Variants in KCNN3 observed in about 807,000 individuals in gnomAD.
KCNN3 encodes the protein small conductance calcium-activated potassium channel protein 3.
KCNN3 carries 16 observed loss-of-function variants against 62.9 expected under a neutral mutation model. The observed-to-expected ratio is 0.25, with a 90% confidence interval of 0.17 to 0.39. The LOEUF (loss-of-function observed/expected upper bound fraction) is 0.39. Ranked by LOEUF, KCNN3 falls within the 10% of genes least tolerant of loss-of-function variation. The pLI, the probability that KCNN3 is intolerant of heterozygous loss-of-function variation, is 1.00. For missense variants in KCNN3, 599 were observed against 949.4 expected, an observed-to-expected ratio of 0.63 and a Z score of 4.85; for synonymous variants, 370 against 389.2, an observed-to-expected ratio of 0.95 and a Z score of 0.58.
At chr1:154,792,494 G>T (rs1036764064) in intron 2 of KCNN3, among the ~76,000 whole-genome samples, 1 of 152,200 alleles carries the variant, frequency 6.6e-6, no homozygotes, top group African/African-American at 2.4e-5. Context: ...GTAACAGCAA[G>T]CTGATGGGTT....
chr1:154,792,440 C>T (rs550207038), intron 2 of KCNN3, among the ~76,000 whole-genome samples: 1 of 152,344 alleles, frequency 6.6e-6, no homozygotes, highest in East Asian at 1.9e-4. Context: ...AAGATGTTTA[C>T]AGGACTTTCT....
intron 4 of KCNN3, 78 bp from the exon 5 acceptor site, chr1:154,726,104 GC>G: frequency 9.4e-7 from 1 of 1,068,706 alleles, no homozygotes; most frequent in Non-Finnish European, 1.4e-6. Flanking sequence ...AACACGCCTG[GC>G]GGCCACGGGG....
intron 2 of KCNN3, among the ~76,000 whole-genome samples, chr1:154,775,439 C>T (rs533329058): frequency 6.6e-6 from 1 of 152,302 alleles, no homozygotes; most frequent in African/African-American, 2.4e-5. Context: ...GCTCCGTACC[C>T]TTACAGAGCC....
intron 2 of KCNN3, among the ~76,000 whole-genome samples, chr1:154,789,836 A>G (rs140571599): frequency 4.1e-4 from 63 of 152,334 alleles, no homozygotes; most frequent in African/African-American, 1.4e-3. Flanking sequence ...CACACCATGT[A>G]TTGCAGCTAG....
chr1:154,835,625 A>G (rs1651556158), intron 1 of KCNN3, among the ~76,000 whole-genome samples: 1 of 152,226 alleles, frequency 6.6e-6, no homozygotes, highest in African/African-American at 2.4e-5. Context: ...AATCACGGCC[A>G]TGTGCCTTGC....
intron 2 of KCNN3, among the ~76,000 whole-genome samples, chr1:154,796,912 A>G (rs867257926): frequency 6.6e-6 from 1 of 152,236 alleles, no homozygotes; most frequent in Non-Finnish European, 1.5e-5. Context: ...ACAAATGCAA[A>G]ACCAGAAATG....
chr1:154,707,223 C>A lies in KCNN3; in HGVS notation c.*753G>T, dbSNP rs770358043. 20 of 152,196 alleles carry A rather than the reference C, an allele frequency of 1.3e-4. No individual in the cohort carries two copies. The highest frequency in any genetic ancestry group is 2.6e-4 in the Non-Finnish European group (18 of 68,024). The allele number at this position is 152,196 out of a possible 1,614,324, so 9.4% of individuals were successfully genotyped here. A position where few individuals can be genotyped will look rare whatever the true frequency, so the allele number is the denominator to read the frequency against. Reference sequence around the variant, plus strand: ...AAAGCACCCCATGTTCAGATTCAGACCAACTCAAAACACATGTAAGGGGTG... The same window carrying A: ...AAAGCACCCCATGTTCAGATTCAGAACAACTCAAAACACATGTAAGGGGTG... On this transcript the variant is annotated 3_prime_UTR_variant, in exon 8 of 8. Coordinates refer to ENST00000271915, the MANE Select transcript of KCNN3 (RefSeq NM_002249.6).
intron 3 of KCNN3, among the ~76,000 whole-genome samples, chr1:154,745,321 C>T (rs758841469): frequency 2.6e-5 from 4 of 152,176 alleles, no homozygotes; most frequent in Non-Finnish European, 5.9e-5. Flanking sequence ...CAAACAAATG[C>T]GACTTGCCGC....
At chr1:154,810,516 G>T (rs191664652) in intron 2 of KCNN3, among the ~76,000 whole-genome samples, 3 of 152,304 alleles carry the variant, frequency 2.0e-5, no homozygotes, top group Non-Finnish European at 2.9e-5. Context: ...TGGCTGGGCA[G>T]GTTACCCTGA....
rs1357688371 is a variant in KCNN3 at position 154,704,730 on chromosome 1, A to G, written c.*3246T>C. 6.6e-6 allele frequency: 1 copy of G among 151,866 alleles called. No homozygotes were observed. The highest frequency in any genetic ancestry group is 1.5e-5 in the Non-Finnish European group (1 of 68,026). 9.4% of individuals were successfully genotyped at this position (151,866 alleles called of 1,614,324 possible). A position where few individuals can be genotyped will look rare whatever the true frequency, so the allele number is the denominator to read the frequency against. ...GGAGTGGGCAGATCTTGATCAGTAC[A>G]GTATTGGAGTGAGGTTACATAATTA... On this transcript the variant is annotated 3_prime_UTR_variant, in exon 8 of 8. Transcript: ENST00000271915.
intron 4 of KCNN3, among the ~76,000 whole-genome samples, chr1:154,732,204 G>T (rs1488076868): frequency 1.3e-5 from 2 of 152,206 alleles, no homozygotes; most frequent in Non-Finnish European, 2.9e-5. Flanking sequence ...CCTGGCCCAG[G>T]GTCCACAGTG....
At chr1:154,796,565 A>G (rs959868328) in intron 2 of KCNN3, among the ~76,000 whole-genome samples, 23 of 152,212 alleles carry the variant, frequency 1.5e-4, no homozygotes, top group African/African-American at 5.5e-4. Context: ...CCAAGTTACA[A>G]TTCATCTGGC....
chr1:154,847,947 C>A (rs138181065), intron 1 of KCNN3, among the ~76,000 whole-genome samples: 1 of 152,268 alleles, frequency 6.6e-6, no homozygotes, highest in South Asian at 2.1e-4. Context: ...AGCTCCGACA[C>A]GAACCCGAGA....
intron 7 of KCNN3, 61 bp downstream of exon 7, chr1:154,713,403 G>A: frequency 2.2e-6 from 3 of 1,389,118 alleles, no homozygotes; most frequent in Non-Finnish European, 3.1e-6. Flanking sequence ...ACTCACAGGT[G>A]AGCCTGAGAA....
At chr1:154,736,655 G>A (rs1175037572) in intron 3 of KCNN3, among the ~76,000 whole-genome samples, 3 of 152,146 alleles carry the variant, frequency 2.0e-5, no homozygotes, top group African/African-American at 2.4e-5. Context: ...TCTTGTGCAC[G>A]TGGGTCTCCA....
At chr1:154,828,970 T>G (rs1251151721) in intron 1 of KCNN3, among the ~76,000 whole-genome samples, 1 of 152,256 alleles carries the variant, frequency 6.6e-6, no homozygotes, top group Non-Finnish European at 1.5e-5. Flanking sequence ...GCACTTACCA[T>G]GCCCAGGCAC....
At chr1:154,831,506 A>T (rs543941055) in intron 1 of KCNN3, among the ~76,000 whole-genome samples, 1 of 152,338 alleles carries the variant, frequency 6.6e-6, no homozygotes, top group East Asian at 1.9e-4. Flanking sequence ...CGGGCCAGAA[A>T]TGAGAATTGC....
rs1236557706 is a variant in KCNN3, at chr1:154,705,979, G to A, written c.*1997C>T. 5 of 152,230 alleles carry A rather than the reference G, an allele frequency of 3.3e-5. No individual in the cohort carries two copies. The highest frequency in any genetic ancestry group is 1.2e-4 in the African/African-American group (5 of 41,468). The allele number at this position is 152,230 out of a possible 1,614,324, so 9.4% of individuals were successfully genotyped here. On this transcript the variant is annotated 3_prime_UTR_variant, in exon 8 of 8. Transcript: ENST00000271915. ...CACCATTCTTGGGACATGAAACAAG[G>A]AGGAGGGGAAACATTCAGATAATCA...
chr1:154,842,263 G>A (rs1205903136), intron 1 of KCNN3, among the ~76,000 whole-genome samples: 2 of 152,184 alleles, frequency 1.3e-5, no homozygotes, highest in Non-Finnish European at 2.9e-5. Flanking sequence ...GTGAGCAGGT[G>A]CGGGTGTGGG....
Sources: allele counts gnomAD v4.1 joint callset (sites outside exome capture counted in the v4.1 genomes callset), GRCh38; gene constraint gnomAD v4.1.1; transcripts MANE v1.5; gene names NCBI Gene and HGNC (gene_info 2026-07-23, HGNC 2026-07-21).